B3GALT1: variants seen among roughly 807,000 people sequenced by gnomAD.
B3GALT1 encodes the protein beta-1,3-galactosyltransferase 1.
Under a neutral mutation model 23.2 loss-of-function variants are expected in B3GALT1, and 10 were observed. That is an observed-to-expected ratio of 0.43 (90% CI 0.27 to 0.73). The LOEUF (loss-of-function observed/expected upper bound fraction) is 0.73, where lower values mean the gene tolerates loss of function less well. Among genes scored for constraint, B3GALT1 ranks in the 30% least tolerant of loss-of-function variants. B3GALT1 has a pLI of 0.21. For missense variants in B3GALT1, 299 were observed against 405.4 expected, an observed-to-expected ratio of 0.74 and a Z score of 2.25; for synonymous variants, 156 against 141.5, an observed-to-expected ratio of 1.10 and a Z score of -0.73.
At chr2:167,433,234 A>G (rs1159950115) in intron 1 of B3GALT1, among the ~76,000 whole-genome samples, 6 of 152,208 alleles carry the variant, frequency 3.9e-5, no homozygotes, top group African/African-American at 1.4e-4. Flanking sequence ...ATATACATTT[A>G]AGTTTCCTCC....
chr2:167,414,113 GC>G (rs1207791645), intron 1 of B3GALT1, among the ~76,000 whole-genome samples: 2 of 152,094 alleles, frequency 1.3e-5, no homozygotes, highest in African/African-American at 2.4e-5. Flanking sequence ...GACATGGGGG[GC>G]CTTAATAAGG....
intron 1 of B3GALT1, among the ~76,000 whole-genome samples, chr2:167,314,675 G>A (rs994589763): frequency 3.9e-5 from 6 of 151,932 alleles, no homozygotes; most frequent in African/African-American, 1.5e-4. Context: ...CATTTTATGT[G>A]GACACATTTT....
At chr2:167,345,261 A>G (rs951578209) in intron 1 of B3GALT1, among the ~76,000 whole-genome samples, 1 of 152,100 alleles carries the variant, frequency 6.6e-6, no homozygotes, top group African/African-American at 2.4e-5. Flanking sequence ...TTCAAACACT[A>G]TAGGCTCATG....
chr2:167,597,767 T>C (rs1338407209), intron 2 of B3GALT1, among the ~76,000 whole-genome samples: 1 of 152,228 alleles, frequency 6.6e-6, no homozygotes, highest in African/African-American at 2.4e-5. Context: ...TAGATATAGA[T>C]GTAGATTTCT....
At chr2:167,667,882 C>A (rs563139831) in intron 3 of B3GALT1, among the ~76,000 whole-genome samples, 1 of 152,188 alleles carries the variant, frequency 6.6e-6, no homozygotes, top group South Asian at 2.1e-4. Context: ...ACTTCTTTGC[C>A]TTTGGTTTGA....
intron 3 of B3GALT1, among the ~76,000 whole-genome samples, chr2:167,757,688 C>T (rs182362213): frequency 6.6e-6 from 1 of 152,154 alleles, no homozygotes; most frequent in African/African-American, 2.4e-5. Context: ...TTATCTAGGT[C>T]ATATATGTAT....
intron 2 of B3GALT1, among the ~76,000 whole-genome samples, chr2:167,596,106 T>C (rs1188793712): frequency 6.6e-6 from 1 of 152,226 alleles, no homozygotes; most frequent in Non-Finnish European, 1.5e-5. Flanking sequence ...TTCTTCCTTT[T>C]AGCCTAGAAG....
At chr2:167,682,063 G>C (rs1686539644) in intron 3 of B3GALT1, among the ~76,000 whole-genome samples, 1 of 152,088 alleles carries the variant, frequency 6.6e-6, no homozygotes, top group South Asian at 2.1e-4. Flanking sequence ...TAATTGGAGA[G>C]CATGTCCTTT....
At chr2:167,537,822 G>GTT (rs1683455029) in intron 2 of B3GALT1, among the ~76,000 whole-genome samples, 1 of 136,376 alleles carries the variant, frequency 7.3e-6, no homozygotes, top group Non-Finnish European at 1.5e-5. Context: ...CTGGATGCTT[G>GTT]TTCTTTTTTT....
intron 2 of B3GALT1, among the ~76,000 whole-genome samples, chr2:167,562,266 C>A (rs1002809002): frequency 2.0e-5 from 3 of 151,860 alleles, no homozygotes; most frequent in African/African-American, 7.3e-5. Context: ...ACCCTTCATG[C>A]TAAAAACTCT....
At chr2:167,622,849 T>C (rs563209812) in intron 2 of B3GALT1, among the ~76,000 whole-genome samples, 22 of 152,080 alleles carry the variant, frequency 1.4e-4, no homozygotes, top group Non-Finnish European at 2.8e-4. Flanking sequence ...CATTCAGTAT[T>C]AATCTGATAC....
intron 3 of B3GALT1, among the ~76,000 whole-genome samples, chr2:167,700,654 A>T (rs1437938843): frequency 6.6e-6 from 1 of 152,220 alleles, no homozygotes; most frequent in Non-Finnish European, 1.5e-5. Context: ...TCAGAAAAGC[A>T]TATTGGATTC....
At chr2:167,591,947 G>T (rs920334772) in intron 2 of B3GALT1, among the ~76,000 whole-genome samples, 6 of 152,182 alleles carry the variant, frequency 3.9e-5, no homozygotes, top group African/African-American at 1.4e-4. Context: ...GTAGTGATAG[G>T]TGATCAGATT....
chr2:167,576,152 C>T (rs1306460619), intron 2 of B3GALT1, among the ~76,000 whole-genome samples: 1 of 151,726 alleles, frequency 6.6e-6, no homozygotes, highest in Non-Finnish European at 1.5e-5. Context: ...GCAAGTTGTC[C>T]ATAGGCCTCT....
At chr2:167,732,349 G>A (rs1017022396) in intron 3 of B3GALT1, among the ~76,000 whole-genome samples, 2 of 152,196 alleles carry the variant, frequency 1.3e-5, no homozygotes, top group African/African-American at 4.8e-5. Flanking sequence ...AGAGTTGTGA[G>A]TAGTACTGAC....
At chr2:167,635,518 A>G (rs957421110) in intron 2 of B3GALT1, among the ~76,000 whole-genome samples, 3 of 152,188 alleles carry the variant, frequency 2.0e-5, no homozygotes, top group Non-Finnish European at 1.5e-5. Flanking sequence ...TACAAAATCA[A>G]TGTGCAAAAA....
intron 3 of B3GALT1, among the ~76,000 whole-genome samples, chr2:167,764,429 G>A (rs1300654139): frequency 1.3e-5 from 2 of 152,160 alleles, no homozygotes; most frequent in African/African-American, 2.4e-5. Context: ...GTGTAGGTAT[G>A]CAGATGCTTA....
At chr2:167,459,713 G>C (rs1227534403) in intron 1 of B3GALT1, among the ~76,000 whole-genome samples, 1 of 151,954 alleles carries the variant, frequency 6.6e-6, no homozygotes, top group Admixed American at 6.6e-5. Context: ...TTTTCATATG[G>C]CTTCAAGTTA....
chr2:167,541,390 T>C (rs1047472684), intron 2 of B3GALT1, among the ~76,000 whole-genome samples: 1 of 152,152 alleles, frequency 6.6e-6, no homozygotes, highest in African/African-American at 2.4e-5. Context: ...TTTAGGTAAA[T>C]TGAAGTTGTA....
Sources: gnomAD v4.1 joint callset for allele counts (sites outside exome capture counted in the v4.1 genomes callset) on GRCh38, gnomAD v4.1.1 for gene constraint, MANE v1.5 for transcripts, NCBI Gene and HGNC (gene_info 2026-07-23, HGNC 2026-07-21) for gene names.